Variants in RHOH observed in about 807,000 individuals in gnomAD.
The protein encoded by RHOH is ras homolog family member H.
In RHOH, 6 loss-of-function variants were observed where a neutral mutation model predicts 13.8. The observed-to-expected ratio is 0.44, with a 90% CI of 0.24 to 0.86. The LOEUF is 0.86. Among genes scored for constraint, RHOH ranks in the 40% least tolerant of loss-of-function variants. RHOH has a pLI of 0.24. For synonymous variants in RHOH, 117 were observed against 103.0 expected (o/e 1.14, Z -0.82); for missense variants, 147 against 244.5 (o/e 0.60, Z 2.66).
rs1200512210 is a variant in RHOH, at chr4:40,218,750, A to G, written c.-331+21450A>G. Among the ~76,000 whole-genome samples the G allele has an allele frequency of 3.9e-5, 6 of 152,212 alleles. No individual in the cohort carries two copies. The highest frequency in any genetic ancestry group is 8.8e-5 in the Non-Finnish European group (6 of 68,038). On this transcript the variant is annotated intron_variant, in intron 1 of 2. Coordinates refer to ENST00000381799, the MANE Select transcript of RHOH (RefSeq NM_004310.5). The surrounding 1 kb of genome is among the most constrained non-coding windows in gnomAD (Gnocchi z 4.1). ...GGGCCCTGAGAGCCCATCTAGTTCA[A>G]TGCCTCATTTTGCGGATGAAAAAAC...
upstream of RHOH, among the ~76,000 whole-genome samples, chr4:40,194,291 T>C (rs1031793053): frequency 1.3e-5 from 2 of 152,076 alleles, no homozygotes; most frequent in African/African-American, 4.8e-5. Flanking sequence ...TGCAGTGGTA[T>C]GATCTTGCCT....
intron 1 of RHOH, among the ~76,000 whole-genome samples, chr4:40,203,407 A>C (rs537769226): frequency 7.2e-5 from 11 of 152,196 alleles, no homozygotes; most frequent in Non-Finnish European, 1.5e-4. Flanking sequence ...CATTTTTAAC[A>C]AATCCTCCCA....
intron 1 of RHOH, among the ~76,000 whole-genome samples, chr4:40,228,570 T>G (rs149384586): frequency 1.3e-5 from 2 of 152,032 alleles, no homozygotes; most frequent in Admixed American, 6.6e-5. Context: ...GGGTTGGGGA[T>G]GGGGGGAACC....
At chr4:40,236,942 C>T (rs1468072185) in intron 1 of RHOH, among the ~76,000 whole-genome samples, 2 of 152,074 alleles carry the variant, frequency 1.3e-5, no homozygotes, top group African/African-American at 4.8e-5. Flanking sequence ...TTGTCGAAAC[C>T]GTGGAAATCT....
At chr4:40,213,038 G>A (rs901282281) in intron 1 of RHOH, among the ~76,000 whole-genome samples, 1 of 152,186 alleles carries the variant, frequency 6.6e-6, no homozygotes, top group Non-Finnish European at 1.5e-5. Flanking sequence ...CTAAACTATA[G>A]TCCTTCTTAG....
At chr4:40,233,949 T>A (rs1230728365) in intron 1 of RHOH, among the ~76,000 whole-genome samples, 1 of 151,276 alleles carries the variant, frequency 6.6e-6, no homozygotes, top group African/African-American at 2.4e-5. Context: ...TAAAATAAAA[T>A]AAAATAAAAT....
intron 1 of RHOH, among the ~76,000 whole-genome samples, chr4:40,223,764 C>CTTGTTT (rs1560272681): frequency 1.6e-5 from 2 of 122,396 alleles, no homozygotes. Flanking sequence ...GTAAACATAA[C>CTTGTTT]TTGTTTTTTT....
Position 40,243,665 on chromosome 4 carries a change from C to T in RHOH, c.279C>T (p.Asn93=), listed in dbSNP as rs1309379740. The T allele has an allele frequency of 6.2e-7, 1 of 1,614,198 alleles. No individual in the cohort carries two copies. Among genetic ancestry groups the T allele is most frequent in the East Asian group, 2.2e-5 (1 of 44,884 alleles). ...YSVANHNSFL[N]LKNKWIGEIR... ...TGGCCAACCATAACTCATTCCTGAA[C>T]TTGAAGAACAAGTGGATTGGTGAAA... is the stretch of plus-strand genomic sequence containing the variant. The change falls in exon 3 of 3, where the codon AAC becomes AAT. Residue 93 remains asparagine, a synonymous_variant. Transcript: ENST00000381799. The surrounding 1 kb of genome is among the most constrained non-coding windows in gnomAD (Gnocchi z 6.2).
intron 1 of RHOH, among the ~76,000 whole-genome samples, chr4:40,223,767 G>GTTTT (rs56144023): frequency 2.9e-4 from 24 of 83,912 alleles, no homozygotes; most frequent in African/African-American, 7.0e-4. Flanking sequence ...AACATAACTT[G>GTTTT]TTTTTTTTTT....
upstream of RHOH, among the ~76,000 whole-genome samples, chr4:40,193,473 T>TAAGAGCGA (rs1560673701): frequency 5.4e-4 from 21 of 38,706 alleles, no homozygotes; most frequent in African/African-American, 2.6e-3. Flanking sequence ...GTTAAAAGAA[T>TAAGAGCGA]GAGAGCGAGA....
At position 40,218,965 on chromosome 4, in the gene RHOH, T is replaced by A. The variant is rs769580709; in HGVS notation, c.-331+21665T>A. 1.1e-4 allele frequency among the ~76,000 whole-genome samples: 17 copies of A among 152,184 alleles called. No homozygotes were observed. The highest frequency in any genetic ancestry group is 2.4e-4 in the Non-Finnish European group (16 of 68,034). ...TATTATATTTGTATTTTAAGATTGATCCATAATGGAAGGAATTGTTTAGTC... is the reference window on the plus strand; with the variant it reads ...TATTATATTTGTATTTTAAGATTGAACCATAATGGAAGGAATTGTTTAGTC... On this transcript the variant is annotated intron_variant, in intron 1 of 2. Transcript: ENST00000381799. The surrounding 1 kb of genome is among the most constrained non-coding windows in gnomAD (Gnocchi z 4.1).
intron 1 of RHOH, among the ~76,000 whole-genome samples, chr4:40,221,999 C>T (rs974924844): frequency 9.2e-5 from 14 of 152,122 alleles, no homozygotes; most frequent in African/African-American, 3.4e-4. Flanking sequence ...AAGATCAAAC[C>T]AGCTATACAA....
At chr4:40,219,875 G>A (rs1325039418) in intron 1 of RHOH, among the ~76,000 whole-genome samples, 2 of 152,070 alleles carry the variant, frequency 1.3e-5, no homozygotes, top group Admixed American at 6.6e-5. Context: ...GTAGTATGCT[G>A]TTGTTTGAAT....
chr4:40,219,188 G>A (rs1726239511), intron 1 of RHOH, among the ~76,000 whole-genome samples: 1 of 152,056 alleles, frequency 6.6e-6, no homozygotes, highest in South Asian at 2.1e-4. Context: ...AAGGTGGGTG[G>A]ATCACCTGAA....
intron 1 of RHOH, among the ~76,000 whole-genome samples, chr4:40,204,063 CACA>C (rs1389047424): frequency 6.6e-6 from 1 of 152,096 alleles, no homozygotes; most frequent in East Asian, 1.9e-4. Context: ...AGACTTATGC[CACA>C]ACAACATTAT....
intron 1 of RHOH, chr4:40,212,576 C>T (rs1162781767): frequency 6.6e-6 from 1 of 152,134 alleles, no homozygotes; most frequent in African/African-American, 2.4e-5. Flanking sequence ...CCTTCTCCTC[C>T]AATCAAAACT....
intron 1 of RHOH, among the ~76,000 whole-genome samples, chr4:40,199,114 A>G (rs930396400): frequency 6.6e-6 from 1 of 152,182 alleles, no homozygotes; most frequent in Admixed American, 6.5e-5. Flanking sequence ...TAAAAAAAAA[A>G]TTCACAAAAT....
At chr4:40,222,643 G>A (rs190825300) in intron 1 of RHOH, among the ~76,000 whole-genome samples, 85 of 152,344 alleles carry the variant, frequency 5.6e-4, no homozygotes, top group Middle Eastern at 3.4e-3. Flanking sequence ...TCACCCAAGA[G>A]CTCTGATGGA....
chr4:40,230,127 C>A (rs1727733611), intron 1 of RHOH, among the ~76,000 whole-genome samples: 1 of 152,156 alleles, frequency 6.6e-6, no homozygotes, highest in Admixed American at 6.5e-5. Flanking sequence ...TCACTGCGAC[C>A]TCTGCCTCCT....
Sources: gnomAD v4.1 joint callset for allele counts (sites outside exome capture counted in the v4.1 genomes callset) on GRCh38, gnomAD v4.1.1 for gene constraint, Gnocchi (gnomAD v3.1) non-coding constraint, MANE v1.5 for transcripts, NCBI Gene and HGNC (gene_info 2026-07-23, HGNC 2026-07-21) for gene names.